Variants in UBA5 observed in about 807,000 individuals in gnomAD.
The protein encoded by UBA5 is ubiquitin-like modifier-activating enzyme 5.
In UBA5, 28 loss-of-function variants were observed where a neutral mutation model predicts 52.9. That is an observed-to-expected ratio of 0.53 (90% CI 0.39 to 0.73). The LOEUF is 0.73. UBA5 is among the 30% of genes least tolerant of loss of function. UBA5 has a pLI of 0.00. For synonymous variants in UBA5, 135 were observed against 162.1 expected, an observed-to-expected ratio of 0.83 and a Z score of 1.27; for missense variants, 388 against 492.7, an observed-to-expected ratio of 0.79 and a Z score of 2.01.
rs1486682227 is a variant in UBA5, at chr3:132,670,106, C to T, written c.408-92C>T. On this transcript the variant is annotated intron_variant, in intron 4 of 11. Transcript: ENST00000356232. Reference sequence around the variant, plus strand: ...TGGGTGCGATGATAGCTCGCTGTAGCCTTGAACTCCTGGACTCAAGTAATC... The same window carrying T: ...TGGGTGCGATGATAGCTCGCTGTAGTCTTGAACTCCTGGACTCAAGTAATC... The T allele has an allele frequency of 7.5e-6, 5 of 663,360 alleles. 1 individual carries two copies. Among genetic ancestry groups the T allele is most frequent in the Non-Finnish European group, 1.3e-5 (5 of 377,110 alleles). The allele number at this position is 663,360 out of a possible 1,614,324, so 41.1% of individuals were successfully genotyped here. A position where few individuals can be genotyped will look rare whatever the true frequency, so the allele number is the denominator to read the frequency against.
intron 6 of UBA5, 24 bp from the exon 7 acceptor site, chr3:132,671,753 A>G: frequency 6.4e-7 from 1 of 1,551,264 alleles, no homozygotes; most frequent in Non-Finnish European, 8.7e-7. Context: ...TTTTTTCCTT[A>G]TGTTTTCACC....
At position 132,677,465 on chromosome 3, in the gene UBA5, C is replaced by A. The variant is rs1938887336; in HGVS notation, c.*939C>A. 1 of 152,256 alleles carries A rather than the reference C, an allele frequency of 6.6e-6. No individual in the cohort carries two copies. Among genetic ancestry groups the A allele is most frequent in the Non-Finnish European group, 1.5e-5 (1 of 68,090 alleles). The allele number at this position is 152,256 out of a possible 1,614,324, so 9.4% of individuals were successfully genotyped here. A position where few individuals can be genotyped will look rare whatever the true frequency, so the allele number is the denominator to read the frequency against. ...AACTGCCTCTGCAATGACTTGTAGT[C>A]AGTGGAAGAGTATCACTTTCCCCTG... On this transcript the variant is annotated 3_prime_UTR_variant, in exon 12 of 12. Coordinates refer to ENST00000356232, the MANE Select transcript of UBA5 (RefSeq NM_024818.6).
In UBA5 at chr3:132,660,796, C is replaced by T; in HGVS notation, c.161+98C>T. On this transcript the variant is annotated intron_variant, in intron 1 of 11. Coordinates refer to ENST00000356232, the MANE Select transcript of UBA5 (RefSeq NM_024818.6). The surrounding 1 kb of genome is among the most constrained non-coding windows in gnomAD (Gnocchi z 4.1). ...TTCCCACGTCCCGCTCATGGGGACGCCCGCCACCCTTTTCTTGGTCTGCGA... is the reference window on the plus strand; with the variant it reads ...TTCCCACGTCCCGCTCATGGGGACGTCCGCCACCCTTTTCTTGGTCTGCGA... 3 of 1,446,548 alleles carry T rather than the reference C, an allele frequency of 2.1e-6. No individual in the cohort carries two copies. The highest frequency in any genetic ancestry group is 2.9e-5 in the South Asian group (2 of 68,226). The allele number at this position is 1,446,548 out of a possible 1,614,324, so 89.6% of individuals were successfully genotyped here. A position where few individuals can be genotyped will look rare whatever the true frequency, so the allele number is the denominator to read the frequency against.
At chr3:132,674,621 C>A (rs373510245) in intron 8 of UBA5, among the ~76,000 whole-genome samples, 1 of 152,006 alleles carries the variant, frequency 6.6e-6, no homozygotes, top group Non-Finnish European at 1.5e-5. Flanking sequence ...CCTGGGAGGG[C>A]GAGGCTACAG....
At chr3:132,670,113 C>A (rs893086534) in intron 4 of UBA5, 85 bp from the exon 5 acceptor site, 1 of 691,670 alleles carries the variant, frequency 1.4e-6, no homozygotes, top group Non-Finnish European at 2.5e-6. Context: ...TAGCCTTGAA[C>A]TCCTGGACTC....
At chr3:132,671,679 A>T in intron 6 of UBA5, 98 bp from the exon 7 acceptor site, 1 of 943,154 alleles carries the variant, frequency 1.1e-6, no homozygotes, top group Non-Finnish European at 1.6e-6. Context: ...AATTAATTTT[A>T]AAAGACCTTG....
Position 132,672,075 on chromosome 3 carries a change from C to T in UBA5, c.710C>T (p.Ala237Val). ...TGTGCTCCACCACTTGTAGTTGCTG[C>T]AAATATTGATGAAAAGACTCTGAAA... Reference protein sequence around the residue: ...FACAPPLVVAANIDEKTLKRE... With the variant: ...FACAPPLVVAVNIDEKTLKRE... The change falls in exon 8 of 12, where the codon GCA (alanine) becomes GTA (valine). Residue 237 changes from alanine to valine, a missense_variant. Around this residue, in one of 3 missense-constraint regions of UBA5, gnomAD observed 277 missense variants for 326.4 expected, o/e 0.85. Coordinates refer to ENST00000356232, the MANE Select transcript of UBA5 (RefSeq NM_024818.6). 2 of 1,613,824 alleles carry T rather than the reference C, an allele frequency of 1.2e-6. No individual in the cohort carries two copies. The highest frequency in any genetic ancestry group is 8.5e-7 in the Non-Finnish European group (1 of 1,179,892).
upstream of UBA5, chr3:132,659,842 G>T: frequency 6.9e-7 from 1 of 1,450,790 alleles, no homozygotes; most frequent in Non-Finnish European, 9.1e-7. Flanking sequence ...TCTAGAGCAT[G>T]GGCCGAGGCC....
intron 4 of UBA5, among the ~76,000 whole-genome samples, chr3:132,669,258 A>G (rs139716675): frequency 6.6e-6 from 1 of 152,154 alleles, no homozygotes; most frequent in African/African-American, 2.4e-5. Context: ...ACAATTTTTA[A>G]TTTTTTTAAT....
chr3:132,668,772 G>GT, intron 3 of UBA5, 46 bp from the exon 4 acceptor site: 1 of 1,260,590 alleles, frequency 7.9e-7, no homozygotes, highest in Non-Finnish European at 1.1e-6. Context: ...GATATGTTTA[G>GT]TTTTTTGGTA....
intron 1 of UBA5, 124 bp from the exon 2 acceptor site, chr3:132,665,699 C>T: frequency 1.0e-6 from 1 of 963,230 alleles, no homozygotes; most frequent in Non-Finnish European, 1.5e-6. Context: ...TAAGCATCCT[C>T]CTCTTTGAAA....
At chr3:132,669,517 C>T (rs974295770) in intron 4 of UBA5, among the ~76,000 whole-genome samples, 6 of 152,180 alleles carry the variant, frequency 3.9e-5, no homozygotes, top group African/African-American at 9.7e-5. Context: ...CATCTGCCCA[C>T]CTAGCCCTCC....
chr3:132,667,910 G>C (rs73220109), intron 3 of UBA5: 1 of 152,148 alleles, frequency 6.6e-6, no homozygotes, highest in South Asian at 2.1e-4. Context: ...AGACTCTTAC[G>C]TAGGATTAGA....
In UBA5 at chr3:132,678,171, A is replaced by G. The variant is rs535702309; in HGVS notation, c.*1645A>G. On this transcript the variant is annotated 3_prime_UTR_variant, in exon 12 of 12. Transcript: ENST00000356232. ...CATCACTGCCTGTGTCTTACACTGCACCAAATGTTACCTAATTGACCTAAC... is the reference window on the plus strand; with the variant it reads ...CATCACTGCCTGTGTCTTACACTGCGCCAAATGTTACCTAATTGACCTAAC... 1 of 152,266 alleles carries G rather than the reference A, an allele frequency of 6.6e-6. No individual in the cohort carries two copies. Among genetic ancestry groups the G allele is most frequent in the Non-Finnish European group, 1.5e-5 (1 of 68,012 alleles). 9.4% of individuals were successfully genotyped at this position (152,266 alleles called of 1,614,324 possible).
At chr3:132,675,214 A>G in intron 8 of UBA5, 34 bp from the exon 9 acceptor site, 1 of 1,470,722 alleles carries the variant, frequency 6.8e-7, no homozygotes, top group Non-Finnish European at 9.3e-7. Context: ...CATGTTTTAA[A>G]TTTCTTTATT....
chr3:132,672,104 G>C lies in UBA5; in HGVS notation c.739G>C (p.Glu247Gln). 1 of 1,614,026 alleles carries C rather than the reference G, an allele frequency of 6.2e-7. No homozygotes were observed. The highest frequency in any genetic ancestry group is 8.5e-7 in the Non-Finnish European group (1 of 1,179,958). ...ANIDEKTLKR[E>Q]GVCAASLPTT... The stretch of plus-strand genomic sequence containing the variant: ...TATTGATGAAAAGACTCTGAAACGA[G>C]AAGGTGTTTGTGCAGCCAGTCTTCC... Residue 247 changes from glutamate to glutamine, a missense_variant, in exon 8 of 12, where the codon GAA becomes CAA. This residue lies in a region of UBA5 where 277 missense variants were observed against 326.4 expected (regional missense o/e 0.85). Coordinates refer to ENST00000356232, the MANE Select transcript of UBA5 (RefSeq NM_024818.6).
intron 11 of UBA5, 39 bp downstream of exon 11, chr3:132,675,962 TATAAA>T (rs1938822135): frequency 1.6e-6 from 2 of 1,281,786 alleles, no homozygotes; most frequent in Middle Eastern, 2.0e-4. Flanking sequence ...GTAAATATCA[TATAAA>T]ATATTTATCA....
Position 132,660,440 on chromosome 3 carries a change from G to T in UBA5, c.-98G>T. The T allele has an allele frequency of 6.9e-7, 1 of 1,459,692 alleles. No individual in the cohort carries two copies. Among genetic ancestry groups the T allele is most frequent in the South Asian group, 1.3e-5 (1 of 78,606 alleles). The allele number at this position is 1,459,692 out of a possible 1,614,324, so 90.4% of individuals were successfully genotyped here. A position where few individuals can be genotyped will look rare whatever the true frequency, so the allele number is the denominator to read the frequency against. On this transcript the variant is annotated 5_prime_UTR_variant, in exon 1 of 12. Transcript: ENST00000356232. This position sits in a 1 kb window ranked among gnomAD's most constrained non-coding sequence, Gnocchi z 4.1. ...TGGGCTAGGAAGGCAGCGGCGAGGT[G>T]CCTCCCCACGTACCCCTCGCGGGCC...
chr3:132,672,274 G>C lies in UBA5; in HGVS notation c.812+97G>C, dbSNP rs1938637973. On this transcript the variant is annotated intron_variant, in intron 8 of 11. Transcript: ENST00000356232. Reference sequence around the variant, plus strand: ...TTCAGAAACTGAAATTACAAGCTAAGTATATAATTTAGTTACTTTAAACTT... The same window carrying C: ...TTCAGAAACTGAAATTACAAGCTAACTATATAATTTAGTTACTTTAAACTT... 7 of 1,389,312 alleles carry C rather than the reference G, an allele frequency of 5.0e-6. No homozygotes were observed. In the South Asian group the frequency reaches 9.1e-5, roughly 18 times the overall value. The allele number at this position is 1,389,312 out of a possible 1,614,324, so 86.1% of individuals were successfully genotyped here.
Sources: gnomAD v4.1 joint callset for allele counts (sites outside exome capture counted in the v4.1 genomes callset) on GRCh38, gnomAD v4.1.1 for gene constraint, gnomAD v4.1.1 regional missense constraint, Gnocchi (gnomAD v3.1) non-coding constraint, MANE v1.5 for transcripts, NCBI Gene and HGNC (gene_info 2026-07-23, HGNC 2026-07-21) for gene names.